ZNF366: variants seen among roughly 807,000 people sequenced by gnomAD.
The protein encoded by ZNF366 is zinc finger protein 366, also known as dendritic cell-specific transcript protein.
ZNF366 carries 20 observed loss-of-function variants against 47.2 expected under a neutral mutation model. The ratio of observed to expected loss-of-function variants is 0.42; its 90% CI spans 0.30 to 0.62. The LOEUF (loss-of-function observed/expected upper bound fraction) is 0.62. ZNF366 is among the 20% of genes least tolerant of loss of function. The probability of loss-of-function intolerance (pLI) is 0.16; values close to 1 mark genes in which losing one functional copy is unlikely to be tolerated. For missense variants in ZNF366, 987 were observed against 976.3 expected, an observed-to-expected ratio of 1.01 and a Z score of -0.15; for synonymous variants, 421 against 395.1, an observed-to-expected ratio of 1.07 and a Z score of -0.78.
chr5:72,442,380 C>G lies in ZNF366; in HGVS notation c.*1376G>C, dbSNP rs1742870398. ...TTGGAAAATTTCAGTCCTAGGGCTC[C>G]ACTCCAGATCAATTAAATCAGAATC... On this transcript the variant is annotated 3_prime_UTR_variant, in exon 5 of 5. Coordinates refer to ENST00000318442, the MANE Select transcript of ZNF366 (RefSeq NM_152625.3). 6.6e-6 allele frequency: 1 copy of G among 152,176 alleles called. No homozygotes were observed. The highest frequency in any genetic ancestry group is 1.5e-5 in the Non-Finnish European group (1 of 68,040). The allele number at this position is 152,176 out of a possible 1,614,324, so 9.4% of individuals were successfully genotyped here. A position where few individuals can be genotyped will look rare whatever the true frequency, so the allele number is the denominator to read the frequency against.
chr5:72,472,109 A>T (rs1743578758), intron 1 of ZNF366, among the ~76,000 whole-genome samples: 1 of 152,228 alleles, frequency 6.6e-6, no homozygotes, highest in Non-Finnish European at 1.5e-5. Context: ...AAACTGCTTC[A>T]AGTGTCTCTT....
intron 1 of ZNF366, among the ~76,000 whole-genome samples, chr5:72,464,047 G>A (rs1222168115): frequency 2.0e-5 from 3 of 152,046 alleles, no homozygotes; most frequent in Non-Finnish European, 4.4e-5. Context: ...AGTACCTATG[G>A]CAAACCATTG....
At position 72,461,158 on chromosome 5, in the gene ZNF366, AG is replaced by A. The variant is rs779090719; in HGVS notation, c.338del (p.Pro113LeufsTer16). 1 of 1,614,114 alleles carries A rather than the reference AG, an allele frequency of 6.2e-7. No homozygotes were observed. Among genetic ancestry groups the A allele is most frequent in the Non-Finnish European group, 8.5e-7 (1 of 1,180,008 alleles). On this transcript the variant is annotated frameshift_variant, in exon 2 of 5. Transcript: ENST00000318442. LOFTEE classifies it high-confidence loss of function. Reference protein sequence around the residue: ...ENKNHGLPNLPLLFPQPPRPK... With the variant: ...ENKNHGLPNLXLLFPQPPRPK... The stretch of plus-strand genomic sequence containing the variant: ...GGCGCGGGGGCTGCGGGAACAGCAA[AG>A]GGAGGTTGGGAAGGCCGTGGTTTTT...
chr5:72,460,426 G>T lies in ZNF366; in HGVS notation c.1071C>A (p.Ala357=). The T allele has an allele frequency of 3.1e-6, 5 of 1,614,192 alleles. No individual in the cohort carries two copies. In the Middle Eastern group the frequency reaches 4.9e-4, roughly 160 times the overall value. Residue 357 remains alanine (A), a synonymous_variant, in exon 2 of 5, where the codon GCC becomes GCA. Transcript: ENST00000318442. ...AYPSELKAHE[A]KHASGRENIC... ...TGTTCTCGCGCCCACTGGCGTGCTT[G>T]GCTTCGTGGGCCTTGAGCTCGCTGG...
At position 72,479,620 on chromosome 5, in the gene ZNF366, T is replaced by C. The variant is rs545883654; in HGVS notation, c.-14-18110A>G. Among the ~76,000 whole-genome samples, 9 of 152,264 alleles carry C rather than the reference T, an allele frequency of 5.9e-5. No individual in the cohort carries two copies. In the East Asian group the frequency reaches 1.7e-3, roughly 29 times the overall value. On this transcript the variant is annotated intron_variant, in intron 1 of 4. Coordinates refer to ENST00000318442, the MANE Select transcript of ZNF366 (RefSeq NM_152625.3). ...TTGGTCAACAGCCACCAAAATGCAA[T>C]GTAGAAGAACAATACTAATGATGAA...
chr5:72,469,803 A>G (rs1373943263), intron 1 of ZNF366, among the ~76,000 whole-genome samples: 2 of 152,162 alleles, frequency 1.3e-5, no homozygotes, highest in Admixed American at 1.3e-4. Flanking sequence ...CCCAGCAACT[A>G]GGGAGGCTGA....
chr5:72,453,307 T>A (rs1035392578), intron 3 of ZNF366, among the ~76,000 whole-genome samples: 2 of 152,226 alleles, frequency 1.3e-5, no homozygotes, highest in Non-Finnish European at 2.9e-5. Context: ...GAAGACTGCC[T>A]CTTCTGCCCA....
intron 3 of ZNF366, among the ~76,000 whole-genome samples, chr5:72,450,629 G>A (rs1743047608): frequency 1.3e-5 from 2 of 152,148 alleles, no homozygotes; most frequent in South Asian, 4.1e-4. Context: ...GTGGCAGAAG[G>A]ATAGAGCCAA....
intron 1 of ZNF366, among the ~76,000 whole-genome samples, chr5:72,477,696 A>C (rs1743701861): frequency 6.6e-6 from 1 of 152,194 alleles, no homozygotes; most frequent in South Asian, 2.1e-4. Context: ...AACGAATATA[A>C]ATGACTTATC....
intron 4 of ZNF366, 138 bp from the exon 5 acceptor site, chr5:72,444,429 G>T: frequency 2.0e-6 from 2 of 1,023,902 alleles, no homozygotes; most frequent in Non-Finnish European, 1.4e-6. Context: ...TAAGGATGTG[G>T]TCTTGGGAGG....
At position 72,507,313 on chromosome 5, in the gene ZNF366, GTCTCTCTCCCTC is replaced by G. The variant is rs1274448264; in HGVS notation, c.-89_-78del. On this transcript the variant is annotated 5_prime_UTR_variant, in exon 1 of 5. Transcript: ENST00000318442. ...CCTTTACCTGATCCCTGCTCTCTCT[GTCTCTCTCCCTC>G]TCTCTCTCCCTCTTTCTCTTGTGTA... 1.2e-5 allele frequency: 12 copies of G among 985,336 alleles called. No homozygotes were observed. The highest frequency in any genetic ancestry group is 5.2e-5 in the African/African-American group (3 of 57,176). The allele number at this position is 985,336 out of a possible 1,614,324, so 61.0% of individuals were successfully genotyped here.
chr5:72,493,510 G>GAT (rs1744053375), intron 1 of ZNF366: 1 of 152,160 alleles, frequency 6.6e-6, no homozygotes, highest in South Asian at 2.1e-4. Flanking sequence ...GATCAAGTAT[G>GAT]CAAACCTATT....
chr5:72,465,460 C>T (rs369771384), intron 1 of ZNF366, among the ~76,000 whole-genome samples: 2 of 152,094 alleles, frequency 1.3e-5, no homozygotes, highest in African/African-American at 4.8e-5. Flanking sequence ...TCTGGGTGTC[C>T]TCAGCAAAAA....
At position 72,460,878 on chromosome 5, in the gene ZNF366, G is replaced by T; in HGVS notation, c.619C>A (p.Gln207Lys). The T allele has an allele frequency of 6.2e-7, 1 of 1,613,814 alleles. No individual in the cohort carries two copies. Among genetic ancestry groups the T allele is most frequent in the Non-Finnish European group, 8.5e-7 (1 of 1,179,816 alleles). The change falls in exon 2 of 5, where the codon CAG becomes AAG. Residue 207 changes from glutamine (Q) to lysine (K), a missense_variant. Physicochemically the swap from Gln to Lys is moderately conservative, Grantham distance 53. Transcript: ENST00000318442. ...CGGGGCAGCAGAGGTTCCGGGGGCT[G>T]CTTGGGCAGGAAGGTGTGCCGGCTG... ...PFSRHTFLPKQPPEPLLPRKA... is the reference protein window; with the variant it reads ...PFSRHTFLPKKPPEPLLPRKA...
At chr5:72,476,082 T>G in intron 1 of ZNF366, among the ~76,000 whole-genome samples, 1 of 152,182 alleles carries the variant, frequency 6.6e-6, no homozygotes, top group East Asian at 1.9e-4. Context: ...ATAAAAAAAT[T>G]TCTTGGTCAT....
intron 1 of ZNF366, among the ~76,000 whole-genome samples, chr5:72,478,998 G>C (rs1743728876): frequency 6.6e-6 from 1 of 152,192 alleles, no homozygotes; most frequent in Non-Finnish European, 1.5e-5. Flanking sequence ...TTTCCTCCAA[G>C]AGATTTTCCT....
At chr5:72,494,989 C>T (rs1259399815) in intron 1 of ZNF366, among the ~76,000 whole-genome samples, 1 of 152,092 alleles carries the variant, frequency 6.6e-6, no homozygotes, top group African/African-American at 2.4e-5. Flanking sequence ...TACGGCTTGC[C>T]TTCACATTTT....
intron 1 of ZNF366, among the ~76,000 whole-genome samples, chr5:72,501,337 G>A (rs1744206720): frequency 6.6e-6 from 1 of 152,148 alleles, no homozygotes; most frequent in South Asian, 2.1e-4. Flanking sequence ...ACACTAAAGA[G>A]AGATTCTATC....
At chr5:72,481,140 C>A (rs1361434412) in intron 1 of ZNF366, among the ~76,000 whole-genome samples, 1 of 152,058 alleles carries the variant, frequency 6.6e-6, no homozygotes, top group Non-Finnish European at 1.5e-5. Context: ...TCATGGTTAG[C>A]AAAGAACAGA....
Sources: allele counts gnomAD v4.1 joint callset (sites outside exome capture counted in the v4.1 genomes callset), GRCh38; gene constraint gnomAD v4.1.1; transcripts MANE v1.5; gene names NCBI Gene and HGNC (gene_info 2026-07-23, HGNC 2026-07-21).